The following JMJD1C variants were observed in gnomAD, a reference collection of about 807,000 sequenced individuals.
JMJD1C encodes jumonji domain-containing protein 1C.
Under a neutral mutation model 245.3 loss-of-function variants are expected in JMJD1C, and 31 were observed. The ratio of observed to expected loss-of-function variants is 0.13; its 90% CI spans 0.09 to 0.17. The LOEUF is 0.17. JMJD1C is among the 10% of genes least tolerant of loss of function. The pLI is 1.00. For missense variants in JMJD1C, 2,691 were observed against 3,000.2 expected (o/e 0.90, Z 2.41); for synonymous variants, 1,057 against 1,017.4 (o/e 1.04, Z -0.74).
At chr10:63,380,057 A>T (rs989722712) in intron 2 of JMJD1C, among the ~76,000 whole-genome samples, 7 of 150,930 alleles carry the variant, frequency 4.6e-5, no homozygotes, top group African/African-American at 1.7e-4. Context: ...CTCCCACCTC[A>T]GCCTCCCAAG....
At chr10:63,494,614 A>G (rs931715095) in intron 1 of JMJD1C, among the ~76,000 whole-genome samples, 11 of 152,230 alleles carry the variant, frequency 7.2e-5, no homozygotes, top group African/African-American at 2.2e-4. Context: ...AGAAAAACTT[A>G]ATGCATATAT....
chr10:63,450,049 G>T (rs547112306), intron 1 of JMJD1C, among the ~76,000 whole-genome samples: 5 of 152,214 alleles, frequency 3.3e-5, no homozygotes, highest in African/African-American at 1.2e-4. Context: ...GGAGGTCCGG[G>T]CTACAATGAG....
chr10:63,384,619 G>A (rs538320204), intron 1 of JMJD1C, among the ~76,000 whole-genome samples: 1 of 152,246 alleles, frequency 6.6e-6, no homozygotes, highest in South Asian at 2.1e-4. Flanking sequence ...ACTATAAACA[G>A]ATGTGTTGTC....
chr10:63,394,666 G>A (rs1948336682), intron 1 of JMJD1C, among the ~76,000 whole-genome samples: 1 of 152,146 alleles, frequency 6.6e-6, no homozygotes. Flanking sequence ...CCAACATGGA[G>A]AAACCCTGTG....
At chr10:63,249,975 C>A (rs182001596) in intron 3 of JMJD1C, among the ~76,000 whole-genome samples, 1 of 152,004 alleles carries the variant, frequency 6.6e-6, no homozygotes, top group Admixed American at 6.5e-5. Flanking sequence ...ATCACATGTA[C>A]CCCCCAATAC....
chr10:63,280,307 T>C (rs1225627355), intron 2 of JMJD1C, among the ~76,000 whole-genome samples: 4 of 152,072 alleles, frequency 2.6e-5, no homozygotes, highest in Non-Finnish European at 5.9e-5. Flanking sequence ...CCCAGCACTC[T>C]GGGAGACTGC....
chr10:63,392,946 C>G (rs1168174915), intron 1 of JMJD1C, among the ~76,000 whole-genome samples: 1 of 136,748 alleles, frequency 7.3e-6, no homozygotes, highest in Non-Finnish European at 1.5e-5. Context: ...TCTCAAAAGA[C>G]AACATACAAA....
At chr10:63,472,909 C>T (rs1447724955) in intron 1 of JMJD1C, among the ~76,000 whole-genome samples, 2 of 151,798 alleles carry the variant, frequency 1.3e-5, no homozygotes, top group African/African-American at 4.8e-5. Flanking sequence ...CTCAGCCTCC[C>T]GAGTAGGTGG....
chr10:63,234,519 A>AAAAAAAAAC (rs1564654977), intron 3 of JMJD1C, among the ~76,000 whole-genome samples: 2 of 148,012 alleles, frequency 1.4e-5, no homozygotes, highest in Non-Finnish European at 3.0e-5. Flanking sequence ...AAAAAAAAAA[A>AAAAAAAAAC]AACACCAAAA....
chr10:63,518,438 C>A (rs149827474), intron 1 of JMJD1C, among the ~76,000 whole-genome samples: 53 of 152,244 alleles, frequency 3.5e-4, no homozygotes, highest in East Asian at 1.7e-3. Flanking sequence ...TATATTTCGA[C>A]GTGGGGCAAA....
chr10:63,382,895 T>C, intron 1 of JMJD1C: 1 of 455,684 alleles, frequency 2.2e-6, no homozygotes, highest in Non-Finnish European at 4.4e-6. Flanking sequence ...CAACTTCAAC[T>C]CCAACTTAGC....
intron 22 of JMJD1C, among the ~76,000 whole-genome samples, chr10:63,180,510 A>G (rs899311953): frequency 7.2e-5 from 11 of 152,242 alleles, no homozygotes; most frequent in Admixed American, 5.9e-4. Flanking sequence ...GTTATCTGTG[A>G]CAAAGTCTTT....
intron 1 of JMJD1C, among the ~76,000 whole-genome samples, chr10:63,459,075 T>C (rs749409212): frequency 6.6e-6 from 1 of 152,154 alleles, no homozygotes; most frequent in Non-Finnish European, 1.5e-5. Context: ...GTCCTTACGT[T>C]ATGGTAGTTA....
intron 1 of JMJD1C, among the ~76,000 whole-genome samples, chr10:63,402,268 A>G (rs1044154569): frequency 1.3e-5 from 2 of 152,224 alleles, no homozygotes; most frequent in African/African-American, 4.8e-5. Flanking sequence ...ATAAAAAATT[A>G]AAACCATAAT....
At chr10:63,314,513 T>C (rs961308378) in intron 2 of JMJD1C, among the ~76,000 whole-genome samples, 1 of 151,988 alleles carries the variant, frequency 6.6e-6, no homozygotes, top group Non-Finnish European at 1.5e-5. Context: ...CAAGCTGTGA[T>C]CATGCCACTA....
At chr10:63,249,092 G>T (rs1852685964) in intron 3 of JMJD1C, among the ~76,000 whole-genome samples, 1 of 152,174 alleles carries the variant, frequency 6.6e-6, no homozygotes, top group African/African-American at 2.4e-5. Flanking sequence ...AAGGCGGGTG[G>T]ATCACCTGAG....
chr10:63,490,215 G>A (rs1448327094), intron 1 of JMJD1C, among the ~76,000 whole-genome samples: 3 of 152,024 alleles, frequency 2.0e-5, no homozygotes, highest in Admixed American at 6.6e-5. Flanking sequence ...TGCACATGCT[G>A]CTTCCTTTAT....
At chr10:63,319,050 G>C (rs896887964) in intron 2 of JMJD1C, among the ~76,000 whole-genome samples, 2 of 151,500 alleles carry the variant, frequency 1.3e-5, no homozygotes, top group Non-Finnish European at 2.9e-5. Flanking sequence ...CACAAGGCCA[G>C]GAGATCGACA....
chr10:63,178,640 G>A (rs78842693), intron 22 of JMJD1C, among the ~76,000 whole-genome samples: 5,341 of 152,242 alleles, frequency 0.035, 293 homozygotes, highest in East Asian at 0.26. Flanking sequence ...GATTAATTTC[G>A]AGGTGCTCTC....
Sources: allele counts gnomAD v4.1 joint callset (sites outside exome capture counted in the v4.1 genomes callset), GRCh38; gene constraint gnomAD v4.1.1; transcripts MANE v1.5; gene names NCBI Gene and HGNC (gene_info 2026-07-23, HGNC 2026-07-21).